CDK17: variants seen among roughly 807,000 people sequenced by gnomAD.
CDK17 encodes the protein cyclin dependent kinase 17.
In CDK17, 24 loss-of-function variants were observed where a neutral mutation model predicts 77.6. The observed-to-expected ratio is 0.31, with a 90% CI of 0.22 to 0.44. CDK17 has a LOEUF of 0.44. Ranked by LOEUF, CDK17 falls within the 20% of genes least tolerant of loss-of-function variation. CDK17 has a pLI of 1.00. For missense variants in CDK17, 429 were observed against 622.5 expected (o/e 0.69, Z 3.31); for synonymous variants, 203 against 210.4 (o/e 0.96, Z 0.30).
At chr12:96,285,333 T>C (rs182827146) in intron 13 of CDK17, among the ~76,000 whole-genome samples, 4 of 152,270 alleles carry the variant, frequency 2.6e-5, no homozygotes, top group Admixed American at 1.3e-4. Context: ...CTTCCTTAGC[T>C]TGAAAATAAA....
At position 96,400,256 on chromosome 12, in the gene CDK17, A is replaced by G. The variant is rs751891952; in HGVS notation, c.-300T>C. The stretch of plus-strand genomic sequence containing the variant: ...CGCCGACGAGCCGCGCGGACGGCCC[A>G]CTAATCCCCTCGGAGCAGCCGGGCG... On this transcript the variant is annotated 5_prime_UTR_variant, in exon 1 of 17. Coordinates refer to ENST00000261211, the MANE Select transcript of CDK17 (RefSeq NM_002595.5). The G allele has an allele frequency of 3.1e-5, 12 of 393,336 alleles. No homozygotes were observed. Among genetic ancestry groups the G allele is most frequent in the Non-Finnish European group, 4.9e-5 (11 of 222,620 alleles). The allele number at this position is 393,336 out of a possible 1,614,324, so 24.4% of individuals were successfully genotyped here.
chr12:96,390,991 A>T (rs1254244443), intron 1 of CDK17, among the ~76,000 whole-genome samples: 1 of 149,308 alleles, frequency 6.7e-6, no homozygotes, highest in East Asian at 2.1e-4. Context: ...GGAGGCTGAG[A>T]CAGGAGAATT....
At chr12:96,366,899 C>T (rs1214600809) in intron 1 of CDK17, among the ~76,000 whole-genome samples, 3 of 152,136 alleles carry the variant, frequency 2.0e-5, no homozygotes, top group African/African-American at 4.8e-5. Flanking sequence ...AAAACACCTA[C>T]GCATATTTTA....
chr12:96,295,130 A>G lies in CDK17; in HGVS notation c.874-8T>C, dbSNP rs1307605350. ...AATTTGGTACAGAAACAGCTACAGA[A>G]ACAAATAAATAAAAATTAGTCTTAA... On this transcript the variant is annotated splice_polypyrimidine_tract_variant and splice_region_variant and intron_variant, in intron 9 of 16. Transcript: ENST00000261211. 1 of 1,589,122 alleles carries G rather than the reference A, an allele frequency of 6.3e-7. No individual in the cohort carries two copies. Among genetic ancestry groups the G allele is most frequent in the Non-Finnish European group, 8.5e-7 (1 of 1,170,622 alleles).
chr12:96,297,315 C>T lies in CDK17; in HGVS notation c.828G>A (p.Gln276=). The change falls in exon 9 of 17, where the codon CAG becomes CAA. Residue 276 remains glutamine (Q), a synonymous_variant. Transcript: ENST00000261211. ...VFEYLDKDLK[Q]YMDDCGNIMS... Reference sequence around the variant, plus strand: ...TGATGTTTCCACAGTCATCCATGTACTGTTTCAGGTCTTTATCCTGGAAAA... The same window carrying T: ...TGATGTTTCCACAGTCATCCATGTATTGTTTCAGGTCTTTATCCTGGAAAA... 1 of 1,609,828 alleles carries T rather than the reference C, an allele frequency of 6.2e-7. No homozygotes were observed.
chr12:96,335,121 T>TTAG, intron 1 of CDK17: 1 of 502,126 alleles, frequency 2.0e-6, no homozygotes, highest in South Asian at 1.7e-5. Flanking sequence ...ACAAATAAGT[T>TTAG]TAGAAGGATT....
intron 1 of CDK17, among the ~76,000 whole-genome samples, chr12:96,337,269 G>A (rs551507508): frequency 1.1e-4 from 16 of 151,802 alleles, no homozygotes; most frequent in East Asian, 3.9e-4. Flanking sequence ...TTCCTCAGTC[G>A]TTTTTTGCTC....
chr12:96,286,838 G>T, intron 11 of CDK17, 77 bp from the exon 12 acceptor site: 1 of 1,233,316 alleles, frequency 8.1e-7, no homozygotes, highest in Non-Finnish European at 1.2e-6. Context: ...CCTTAAGGTT[G>T]CCTCTCTGCA....
chr12:96,349,973 T>C (rs1053362092), intron 1 of CDK17, among the ~76,000 whole-genome samples: 3 of 152,224 alleles, frequency 2.0e-5, no homozygotes, highest in African/African-American at 7.2e-5. Flanking sequence ...TTCTATAGGT[T>C]AGCAATGAAC....
At position 96,318,007 on chromosome 12, in the gene CDK17, T is replaced by C. The variant is rs376206272; in HGVS notation, c.284-4553A>G. ...CAATTAAAAGACACAGACTGGCAAG[T>C]TGGATAAAGAGTCAAGACTCATCAG... is the stretch of plus-strand genomic sequence containing the variant. On this transcript the variant is annotated intron_variant, in intron 3 of 16. Coordinates refer to ENST00000261211, the MANE Select transcript of CDK17 (RefSeq NM_002595.5). Among the ~76,000 whole-genome samples the C allele has an allele frequency of 5.9e-5, 9 of 152,120 alleles. No individual in the cohort carries two copies. The East Asian group carries it at 1.4e-3, about 23-fold the overall frequency.
chr12:96,352,217 A>G (rs770956749), intron 1 of CDK17, among the ~76,000 whole-genome samples: 3 of 152,176 alleles, frequency 2.0e-5, no homozygotes, highest in Non-Finnish European at 4.4e-5. Flanking sequence ...AAGCTGAATA[A>G]GGGAAGGTGA....
intron 1 of CDK17, among the ~76,000 whole-genome samples, chr12:96,367,472 G>A (rs781009415): frequency 1.3e-4 from 20 of 150,470 alleles, no homozygotes; most frequent in Admixed American, 2.0e-4. Flanking sequence ...ACTAACAGTC[G>A]AAATAAGAAA....
At chr12:96,340,953 T>C (rs959629433) in intron 1 of CDK17, among the ~76,000 whole-genome samples, 2 of 152,174 alleles carry the variant, frequency 1.3e-5, no homozygotes, top group African/African-American at 4.8e-5. Context: ...GTAGTACGTA[T>C]AGTACCCAAT....
At chr12:96,338,799 T>C (rs761129513) in intron 1 of CDK17, among the ~76,000 whole-genome samples, 3 of 152,154 alleles carry the variant, frequency 2.0e-5, no homozygotes, top group Middle Eastern at 3.4e-3. Context: ...TTTAAAAAAG[T>C]TGTAAAATAC....
intron 1 of CDK17, among the ~76,000 whole-genome samples, chr12:96,369,677 G>A (rs1953658588): frequency 6.6e-6 from 1 of 152,212 alleles, no homozygotes; most frequent in South Asian, 2.1e-4. Flanking sequence ...ACACTTGGTG[G>A]CTGAGGCATG....
chr12:96,288,452 C>G (rs1952274767), intron 11 of CDK17, among the ~76,000 whole-genome samples: 1 of 152,090 alleles, frequency 6.6e-6, no homozygotes, highest in Non-Finnish European at 1.5e-5. Flanking sequence ...GATGGGTGGA[C>G]TGGTATGAAC....
At chr12:96,289,052 A>G in intron 11 of CDK17, 115 bp downstream of exon 11, 1 of 1,106,048 alleles carries the variant, frequency 9.0e-7, no homozygotes, top group Non-Finnish European at 1.3e-6. Context: ...TCACTGTTAC[A>G]TTATGGCTCT....
At position 96,287,042 on chromosome 12, in the gene CDK17, A is replaced by G. The variant is rs550059991; in HGVS notation, c.1119-281T>C. Reference sequence around the variant, plus strand: ...AGCTAACAGTGACTGAAGATTTACTATGTGTTAGAAATGTTTTTTAAGTGC... The same window carrying G: ...AGCTAACAGTGACTGAAGATTTACTGTGTGTTAGAAATGTTTTTTAAGTGC... On this transcript the variant is annotated intron_variant, in intron 11 of 16. Transcript: ENST00000261211. Among the ~76,000 whole-genome samples the G allele has an allele frequency of 2.0e-5, 3 of 152,310 alleles. No homozygotes were observed. The South Asian group carries it at 6.2e-4, about 32-fold the overall frequency.
chr12:96,393,704 A>C (rs928099536), intron 1 of CDK17, among the ~76,000 whole-genome samples: 1 of 152,108 alleles, frequency 6.6e-6, no homozygotes, highest in African/African-American at 2.4e-5. Context: ...ACTGCAATCA[A>C]CCTGGGTGGC....
Sources: allele counts gnomAD v4.1 joint callset (sites outside exome capture counted in the v4.1 genomes callset), GRCh38; gene constraint gnomAD v4.1.1; transcripts MANE v1.5; gene names NCBI Gene and HGNC (gene_info 2026-07-23, HGNC 2026-07-21).